Variants in NLGN1 observed in about 807,000 individuals in gnomAD.
The protein encoded by NLGN1 is neuroligin-1.
NLGN1 carries 12 observed loss-of-function variants against 65.5 expected under a neutral mutation model. The observed-to-expected ratio is 0.18, with a 90% CI of 0.12 to 0.30. The LOEUF (loss-of-function observed/expected upper bound fraction) is 0.30, where lower values mean the gene tolerates loss of function less well. NLGN1 is among the 10% of genes least tolerant of loss of function. The probability of loss-of-function intolerance (pLI) is 1.00; values close to 1 mark genes in which losing one functional copy is unlikely to be tolerated. For synonymous variants in NLGN1, 350 were observed against 359.5 expected (o/e 0.97, Z 0.30); for missense variants, 750 against 1,007.1 (o/e 0.74, Z 3.46).
rs556849047 is a variant in NLGN1 at position 173,862,876 on chromosome 3, T to C, written c.646+55044T>C. 3.9e-5 allele frequency among the ~76,000 whole-genome samples: 6 copies of C among 152,152 alleles called. No individual in the cohort carries two copies. In the South Asian group the frequency reaches 1.0e-3, roughly 26 times the overall value. The stretch of plus-strand genomic sequence containing the variant: ...GCTACGTGGGTACAGGAATTCTCTG[T>C]GCCTTGCTCACTTCTCTAATCTCTG... On this transcript the variant is annotated intron_variant, in intron 4 of 6. Transcript: ENST00000457714.
intron 3 of NLGN1, among the ~76,000 whole-genome samples, chr3:173,624,549 T>C (rs984959343): frequency 1.3e-5 from 2 of 152,152 alleles, no homozygotes; most frequent in Non-Finnish European, 2.9e-5. Context: ...CAATTTCTTC[T>C]TTATATTTAA....
chr3:173,464,250 T>A (rs1723892369), intron 2 of NLGN1, among the ~76,000 whole-genome samples: 1 of 152,124 alleles, frequency 6.6e-6, no homozygotes, highest in Admixed American at 6.5e-5. Flanking sequence ...GCTTTCTTAC[T>A]CTAATTTTAT....
intron 4 of NLGN1, among the ~76,000 whole-genome samples, chr3:174,154,141 T>A (rs191709891): frequency 6.6e-6 from 1 of 152,096 alleles, no homozygotes; most frequent in Admixed American, 6.6e-5. Flanking sequence ...TCTAGAACTA[T>A]CATCATTCTT....
intron 3 of NLGN1, among the ~76,000 whole-genome samples, chr3:173,673,718 A>G (rs569598242): frequency 2.6e-5 from 4 of 152,314 alleles, no homozygotes; most frequent in East Asian, 1.9e-4. Flanking sequence ...CCACAAAGCC[A>G]TGTACTTTTT....
At chr3:174,184,509 C>T (rs907141448) in intron 4 of NLGN1, among the ~76,000 whole-genome samples, 10 of 151,280 alleles carry the variant, frequency 6.6e-5, no homozygotes, top group African/African-American at 2.4e-4. Context: ...ATTTTTAATC[C>T]CCAGATAAAA....
intron 4 of NLGN1, among the ~76,000 whole-genome samples, chr3:173,929,705 T>C (rs1373813064): frequency 1.4e-5 from 2 of 147,792 alleles, no homozygotes; most frequent in Admixed American, 1.4e-4. Flanking sequence ...TCTTTTTTTC[T>C]TTTTTTTTTT....
intron 4 of NLGN1, among the ~76,000 whole-genome samples, chr3:174,066,552 C>CTGTG (rs1235577088): frequency 7.8e-5 from 9 of 115,658 alleles, no homozygotes; most frequent in African/African-American, 3.1e-4. Flanking sequence ...CTCTCTCTCT[C>CTGTG]TCTCTCTCTC....
At chr3:173,767,345 G>A (rs956152753) in intron 3 of NLGN1, among the ~76,000 whole-genome samples, 3 of 152,024 alleles carry the variant, frequency 2.0e-5, no homozygotes, top group African/African-American at 7.2e-5. Flanking sequence ...CCTATGTTAG[G>A]TAGATGAGTG....
intron 2 of NLGN1, among the ~76,000 whole-genome samples, chr3:173,526,670 G>A (rs147619538): frequency 3.7e-4 from 57 of 152,108 alleles, no homozygotes; most frequent in African/African-American, 1.3e-3. Flanking sequence ...GTTGTCACCC[G>A]CTATGTTAGA....
At chr3:173,831,929 T>C (rs1052367024) in intron 4 of NLGN1, among the ~76,000 whole-genome samples, 1 of 149,970 alleles carries the variant, frequency 6.7e-6, no homozygotes, top group Non-Finnish European at 1.5e-5. Flanking sequence ...ATTATTATTT[T>C]TCATACAGCT....
intron 4 of NLGN1, among the ~76,000 whole-genome samples, chr3:174,100,993 A>G (rs944444119): frequency 3.3e-5 from 5 of 152,090 alleles, no homozygotes; most frequent in East Asian, 3.9e-4. Flanking sequence ...GGCCAAGAGC[A>G]TAACTGTTTT....
At position 174,008,131 on chromosome 3, in the gene NLGN1, G is replaced by A. The variant is rs770670893; in HGVS notation, c.646+200299G>A. Among the ~76,000 whole-genome samples the A allele has an allele frequency of 7.2e-5, 11 of 152,228 alleles. No homozygotes were observed. The Middle Eastern group carries it at 0.01, about 141-fold the overall frequency. ...CCTCCAAATCTATATTCTTGCAACA[G>A]CAAAGTTTGTGGTTTAGCTGTGCCT... On this transcript the variant is annotated intron_variant, in intron 4 of 6. Transcript: ENST00000457714.
At chr3:174,016,643 G>A (rs1037776123) in intron 4 of NLGN1, among the ~76,000 whole-genome samples, 1 of 152,148 alleles carries the variant, frequency 6.6e-6, no homozygotes, top group Non-Finnish European at 1.5e-5. Context: ...TTTTTGGCAT[G>A]AGAAACTATT....
At chr3:173,893,137 C>T (rs1480606783) in intron 4 of NLGN1, among the ~76,000 whole-genome samples, 3 of 152,118 alleles carry the variant, frequency 2.0e-5, no homozygotes, top group African/African-American at 7.2e-5. Flanking sequence ...CCCAGCATAT[C>T]TCAAATTGAA....
intron 4 of NLGN1, among the ~76,000 whole-genome samples, chr3:174,059,138 C>A (rs1470039079): frequency 6.6e-6 from 1 of 152,086 alleles, no homozygotes; most frequent in African/African-American, 2.4e-5. Context: ...TGCTCACTAC[C>A]AAAGCTGCCA....
chr3:173,872,401 T>G (rs1054211862), intron 4 of NLGN1, among the ~76,000 whole-genome samples: 7 of 152,242 alleles, frequency 4.6e-5, no homozygotes, highest in African/African-American at 1.7e-4. Flanking sequence ...AAATAGCTTC[T>G]TGGCCATGTT....
intron 3 of NLGN1, among the ~76,000 whole-genome samples, chr3:173,771,582 G>C (rs1366530083): frequency 2.9e-5 from 1 of 34,058 alleles, no homozygotes; most frequent in African/African-American, 7.6e-5. Flanking sequence ...AATTGTATGA[G>C]GTTTGTATGT....
chr3:174,267,401 T>C (rs1748479981), intron 4 of NLGN1, among the ~76,000 whole-genome samples: 1 of 152,138 alleles, frequency 6.6e-6, no homozygotes, highest in Non-Finnish European at 1.5e-5. Context: ...GGGGATCAAT[T>C]TTCAACCTGA....
intron 4 of NLGN1, among the ~76,000 whole-genome samples, chr3:174,162,033 C>A (rs1350025835): frequency 1.3e-5 from 2 of 151,740 alleles, no homozygotes; most frequent in African/African-American, 4.8e-5. Context: ...ATTAGCTCAA[C>A]AAACAATGAC....
Sources: gnomAD v4.1 joint callset for allele counts (sites outside exome capture counted in the v4.1 genomes callset) on GRCh38, gnomAD v4.1.1 for gene constraint, MANE v1.5 for transcripts, NCBI Gene and HGNC (gene_info 2026-07-23, HGNC 2026-07-21) for gene names.